AKAP6: variants seen among roughly 807,000 people sequenced by gnomAD.
AKAP6 encodes the protein A-kinase anchoring protein 6, also known as A-kinase anchor protein 6.
AKAP6 carries 58 observed loss-of-function variants against 188.5 expected under a neutral mutation model. The ratio of observed to expected loss-of-function variants is 0.31; its 90% CI spans 0.25 to 0.38. AKAP6 has a LOEUF of 0.38. Among genes scored for constraint, AKAP6 ranks in the 10% least tolerant of loss-of-function variants. The probability of loss-of-function intolerance (pLI) is 1.00; values close to 1 mark genes in which losing one functional copy is unlikely to be tolerated. For missense variants in AKAP6, 2,710 were observed against 2,740.0 expected (o/e 0.99, Z 0.24); for synonymous variants, 989 against 998.6 (o/e 0.99, Z 0.18).
At chr14:32,801,062 TA>T (rs1171167514) in intron 12 of AKAP6, among the ~76,000 whole-genome samples, 1 of 152,116 alleles carries the variant, frequency 6.6e-6, no homozygotes, top group African/African-American at 2.4e-5. Flanking sequence ...AGACAGCATA[TA>T]GTTGGGTCTT....
intron 3 of AKAP6, among the ~76,000 whole-genome samples, chr14:32,541,941 A>G (rs918717674): frequency 5.3e-5 from 8 of 152,328 alleles, no homozygotes; most frequent in African/African-American, 1.4e-4. Context: ...AGTATAATTT[A>G]GTGTTAGCAA....
At chr14:32,813,501 C>A (rs549389450) in intron 12 of AKAP6, among the ~76,000 whole-genome samples, 2 of 150,576 alleles carry the variant, frequency 1.3e-5, no homozygotes, top group South Asian at 2.1e-4. Context: ...ATCTCAGGAC[C>A]CTGCCCTAAA....
Position 32,779,086 on chromosome 14 carries a change from A to G in AKAP6, c.3588+5193A>G, listed in dbSNP as rs528592685. Among the ~76,000 whole-genome samples, 10 of 152,194 alleles carry G rather than the reference A, an allele frequency of 6.6e-5. No individual in the cohort carries two copies. The South Asian group carries it at 1.0e-3, about 16-fold the overall frequency. On this transcript the variant is annotated intron_variant, in intron 12 of 13. Coordinates refer to ENST00000280979, the MANE Select transcript of AKAP6 (RefSeq NM_004274.5). ...TAGGTTTATAAAGCTCTACTGAGTT[A>G]CATGTTGCCTATGAGAAACCCAATT...
chr14:32,581,566 G>A (rs551851500), intron 5 of AKAP6, among the ~76,000 whole-genome samples: 4 of 152,200 alleles, frequency 2.6e-5, no homozygotes, highest in African/African-American at 7.2e-5. Flanking sequence ...TTTCTGTCTC[G>A]TTGATCTGTC....
chr14:32,564,596 G>C (rs1238990380), intron 4 of AKAP6, among the ~76,000 whole-genome samples: 5 of 152,166 alleles, frequency 3.3e-5, no homozygotes, highest in Non-Finnish European at 5.9e-5. Context: ...AGACTCCAAA[G>C]ATCAGTTCCC....
chr14:32,759,099 A>G (rs1241504160), intron 11 of AKAP6, among the ~76,000 whole-genome samples: 2 of 152,080 alleles, frequency 1.3e-5, no homozygotes, highest in African/African-American at 2.4e-5. Flanking sequence ...CCCATCTGGG[A>G]AAAAAAATGG....
intron 4 of AKAP6, among the ~76,000 whole-genome samples, chr14:32,567,728 C>A (rs1014051494): frequency 6.6e-6 from 1 of 152,152 alleles, no homozygotes; most frequent in African/African-American, 2.4e-5. Context: ...TGCAAGAGTT[C>A]TTACTAATCA....
chr14:32,540,648 T>C (rs1882906975), intron 3 of AKAP6, among the ~76,000 whole-genome samples: 1 of 152,176 alleles, frequency 6.6e-6, no homozygotes, highest in Non-Finnish European at 1.5e-5. Flanking sequence ...TAACTCCATA[T>C]CTTCCTGAGA....
intron 2 of AKAP6, among the ~76,000 whole-genome samples, chr14:32,517,292 T>C (rs1180989459): frequency 6.6e-6 from 1 of 152,176 alleles, no homozygotes; most frequent in African/African-American, 2.4e-5. Context: ...AACAAAATGA[T>C]AGAATATCAT....
chr14:32,537,832 T>G (rs1186289764), intron 3 of AKAP6, among the ~76,000 whole-genome samples: 5 of 152,242 alleles, frequency 3.3e-5, no homozygotes, highest in African/African-American at 4.8e-5. Flanking sequence ...CATGAAGTAG[T>G]AGCTCAATAA....
chr14:32,706,894 C>A (rs1485719081), intron 9 of AKAP6, among the ~76,000 whole-genome samples: 1 of 152,058 alleles, frequency 6.6e-6, no homozygotes, highest in African/African-American at 2.4e-5. Flanking sequence ...AATTTCACTT[C>A]TAAAGTTTCT....
chr14:32,651,840 A>G (rs933399859), intron 7 of AKAP6, among the ~76,000 whole-genome samples: 1 of 152,132 alleles, frequency 6.6e-6, no homozygotes, highest in Non-Finnish European at 1.5e-5. Context: ...TAGAACATCC[A>G]CTTACTGTTG....
At chr14:32,775,282 A>G (rs2139998555) in intron 12 of AKAP6, among the ~76,000 whole-genome samples, 1 of 151,252 alleles carries the variant, frequency 6.6e-6, no homozygotes, top group East Asian at 1.9e-4. Context: ...ATATGCAAAA[A>G]TCAACTGCAG....
At chr14:32,547,684 C>A (rs1417675988) in intron 4 of AKAP6, among the ~76,000 whole-genome samples, 1 of 151,928 alleles carries the variant, frequency 6.6e-6, no homozygotes, top group African/African-American at 2.4e-5. Context: ...TAGGGAGACC[C>A]CATCTCTATA....
rs1396623568 is a variant in AKAP6 at position 32,546,200 on chromosome 14, G to A, written c.1547G>A (p.Gly516Asp). 1.9e-6 allele frequency: 3 copies of A among 1,614,158 alleles called. No homozygotes were observed. Among genetic ancestry groups the A allele is most frequent in the South Asian group, 2.2e-5 (2 of 91,080 alleles). The part of the protein sequence containing the change: ...PPCRTPKRGT[G>D]SGKQAKNTKS... Reference sequence around the variant, plus strand: ...TGCCGAACACCTAAACGGGGGACTGGTTCAGGCAAACAAGCTAAAAATACA... The same window carrying A: ...TGCCGAACACCTAAACGGGGGACTGATTCAGGCAAACAAGCTAAAAATACA... The change falls in exon 4 of 14, where the codon GGT becomes GAT. Residue 516 changes from glycine (G) to aspartate (D), a missense_variant. Physicochemically the swap from Gly to Asp is moderately conservative, Grantham distance 94. Around this residue, in one of 2 missense-constraint regions of AKAP6, gnomAD observed 2,473 missense variants for 2,426.1 expected, o/e 1.02. Transcript: ENST00000280979.
intron 7 of AKAP6, among the ~76,000 whole-genome samples, chr14:32,638,359 G>A (rs1956201): frequency 0.42 from 63,027 of 151,822 alleles, 14,294 homozygotes; most frequent in East Asian, 0.85. Context: ...GTGGCCTAAC[G>A]GACAATATAT....
chr14:32,493,294 C>T (rs1235515136), intron 2 of AKAP6, among the ~76,000 whole-genome samples: 1 of 152,120 alleles, frequency 6.6e-6, no homozygotes, highest in Admixed American at 6.5e-5. Flanking sequence ...GCAGCCTTGA[C>T]TTCCAGGGCT....
At chr14:32,330,441 T>C (rs1489309397) in intron 1 of AKAP6, among the ~76,000 whole-genome samples, 1 of 152,062 alleles carries the variant, frequency 6.6e-6, no homozygotes, top group Non-Finnish European at 1.5e-5. Context: ...GCCTTTTGTT[T>C]TGGGAAATGA....
At chr14:32,477,985 T>C (rs2138887024) in intron 2 of AKAP6, among the ~76,000 whole-genome samples, 1 of 152,290 alleles carries the variant, frequency 6.6e-6, no homozygotes, top group African/African-American at 2.4e-5. Flanking sequence ...TTTATAAATA[T>C]AGCTAGAATG....
Sources: allele counts gnomAD v4.1 joint callset (sites outside exome capture counted in the v4.1 genomes callset), GRCh38; gene constraint gnomAD v4.1.1; regional missense constraint gnomAD v4.1.1; transcripts MANE v1.5; gene names NCBI Gene and HGNC (gene_info 2026-07-23, HGNC 2026-07-21).